The following MACROD2 variants were observed in gnomAD, a reference collection of about 807,000 sequenced individuals.
MACROD2 encodes mono-ADP ribosylhydrolase 2.
A neutral mutation model predicts 70.4 loss-of-function variants in MACROD2; 36 were observed. That is an observed-to-expected ratio of 0.51 (90% confidence interval 0.39 to 0.68). The LOEUF is 0.68. MACROD2 is among the 30% of genes least tolerant of loss of function. The pLI, the probability that MACROD2 is intolerant of heterozygous loss-of-function variation, is 0.00. For missense variants in MACROD2, 496 were observed against 538.4 expected (o/e 0.92, Z 0.78); for synonymous variants, 172 against 178.8 (o/e 0.96, Z 0.30).
intron 5 of MACROD2, among the ~76,000 whole-genome samples, chr20:15,041,437 TTCTC>T (rs1015059081): frequency 7.9e-5 from 12 of 150,980 alleles, no homozygotes; most frequent in South Asian, 2.1e-4. Context: ...TTAAATTAAT[TTCTC>T]TCTCTCTCTC....
chr20:14,258,692 C>G (rs1224680384), intron 3 of MACROD2, among the ~76,000 whole-genome samples: 3 of 152,062 alleles, frequency 2.0e-5, no homozygotes, highest in African/African-American at 2.4e-5. Context: ...GTTTCTTTTG[C>G]TGTGCAGAAG....
At chr20:15,433,511 G>A (rs2046390182) in intron 7 of MACROD2, among the ~76,000 whole-genome samples, 1 of 145,868 alleles carries the variant, frequency 6.9e-6, no homozygotes, top group South Asian at 2.2e-4. Context: ...CTTAACCAAG[G>A]AGGTGAAACA....
chr20:14,716,899 T>C (rs2071402987), intron 5 of MACROD2, among the ~76,000 whole-genome samples: 1 of 152,166 alleles, frequency 6.6e-6, no homozygotes, highest in Non-Finnish European at 1.5e-5. Flanking sequence ...GCTTTGTTTT[T>C]AGAGATGCAG....
chr20:15,707,386 A>C (rs917625648), intron 8 of MACROD2, among the ~76,000 whole-genome samples: 11 of 152,186 alleles, frequency 7.2e-5, no homozygotes, highest in African/African-American at 2.7e-4. Context: ...TCATGCCTCT[A>C]TAGTATACCA....
chr20:15,073,167 G>C (rs1265987298), intron 5 of MACROD2, among the ~76,000 whole-genome samples: 1 of 151,936 alleles, frequency 6.6e-6, no homozygotes, highest in Non-Finnish European at 1.5e-5. Context: ...TGTTATAGCA[G>C]CAAAAAAATG....
At chr20:14,248,051 C>T (rs1007545994) in intron 3 of MACROD2, among the ~76,000 whole-genome samples, 2 of 152,118 alleles carry the variant, frequency 1.3e-5, no homozygotes, top group African/African-American at 4.8e-5. Context: ...TGCTTAGCTA[C>T]ACTTAACACA....
chr20:14,524,931 C>T (rs914068277), intron 4 of MACROD2, among the ~76,000 whole-genome samples: 4 of 152,102 alleles, frequency 2.6e-5, no homozygotes, highest in Non-Finnish European at 4.4e-5. Context: ...AGGAGAAAAG[C>T]CTAGAAGAAC....
At chr20:14,953,302 TTTTA>T (rs1164871496) in intron 5 of MACROD2, among the ~76,000 whole-genome samples, 1 of 152,084 alleles carries the variant, frequency 6.6e-6, no homozygotes, top group African/African-American at 2.4e-5. Context: ...GTTTTTAATT[TTTTA>T]TTTATTTATT....
chr20:15,669,478 A>G (rs550616578), intron 8 of MACROD2, among the ~76,000 whole-genome samples: 1 of 152,138 alleles, frequency 6.6e-6, no homozygotes, highest in African/African-American at 2.4e-5. Flanking sequence ...ACAGTGTCTC[A>G]TAGCTGGAAA....
At chr20:14,167,960 C>G (rs553319702) in intron 3 of MACROD2, among the ~76,000 whole-genome samples, 9 of 152,186 alleles carry the variant, frequency 5.9e-5, no homozygotes, top group African/African-American at 2.2e-4. Flanking sequence ...ACTCATCAGT[C>G]AAAAGAAATA....
chr20:15,227,594 C>T (rs1053758380), intron 5 of MACROD2, among the ~76,000 whole-genome samples: 1 of 152,110 alleles, frequency 6.6e-6, no homozygotes, highest in Admixed American at 6.5e-5. Context: ...TTGTCTTCAA[C>T]AATGGGAACA....
chr20:16,039,461 CTT>C (rs1269444018), intron 15 of MACROD2, among the ~76,000 whole-genome samples: 1 of 151,162 alleles, frequency 6.6e-6, no homozygotes, highest in Non-Finnish European at 1.5e-5. Context: ...TGTAGTAACA[CTT>C]TGTCTACGAT....
chr20:14,150,287 A>G (rs1355037390), intron 3 of MACROD2, among the ~76,000 whole-genome samples: 3 of 152,164 alleles, frequency 2.0e-5, no homozygotes, highest in Admixed American at 6.5e-5. Flanking sequence ...GGGTTCTTAC[A>G]TGAGGTTTGA....
chr20:15,211,841 A>C (rs2076766688), intron 5 of MACROD2, among the ~76,000 whole-genome samples: 1 of 152,180 alleles, frequency 6.6e-6, no homozygotes, highest in Admixed American at 6.5e-5. Context: ...TTTGCATATA[A>C]GTTTTTGTGT....
chr20:14,660,511 T>C (rs1986172757), intron 4 of MACROD2, among the ~76,000 whole-genome samples: 1 of 152,230 alleles, frequency 6.6e-6, no homozygotes, highest in Non-Finnish European at 1.5e-5. Flanking sequence ...TACAATATTA[T>C]CCATAATTTT....
At chr20:15,436,174 T>TC (rs2046425626) in intron 7 of MACROD2, among the ~76,000 whole-genome samples, 1 of 152,150 alleles carries the variant, frequency 6.6e-6, no homozygotes, top group African/African-American at 2.4e-5. Context: ...ACTTCATATG[T>TC]CCTGCATTAG....
chr20:15,110,305 T>C (rs1170664922), intron 5 of MACROD2, among the ~76,000 whole-genome samples: 1 of 152,166 alleles, frequency 6.6e-6, no homozygotes, highest in African/African-American at 2.4e-5. Flanking sequence ...TAATTAACTT[T>C]TGTCAAGGGC....
intron 10 of MACROD2, among the ~76,000 whole-genome samples, chr20:15,924,244 A>G (rs1337317707): frequency 6.6e-6 from 1 of 152,238 alleles, no homozygotes; most frequent in Non-Finnish European, 1.5e-5. Flanking sequence ...CCATGATAAT[A>G]TGGGGCTGCC....
intron 8 of MACROD2, among the ~76,000 whole-genome samples, chr20:15,502,079 G>A (rs114425170): frequency 0.011 from 1,705 of 152,000 alleles, 27 homozygotes; most frequent in African/African-American, 0.039. Flanking sequence ...CATATTGGTA[G>A]TCTAGAAAAA....
Sources: allele counts gnomAD v4.1 joint callset (sites outside exome capture counted in the v4.1 genomes callset), GRCh38; gene constraint gnomAD v4.1.1; transcripts MANE v1.5; gene names NCBI Gene and HGNC (gene_info 2026-07-23, HGNC 2026-07-21).